PRP4K: variants seen among roughly 807,000 people sequenced by gnomAD.
PRP4K encodes pre-mRNA processing factor kinase PRP4K, also known as serine/threonine-protein kinase PRP4 homolog.
At chr6:4,044,068 C>T in the PRP4K span, 3 of 1,552,082 alleles carry the variant, frequency 1.9e-6, no homozygotes, top group Non-Finnish European at 2.7e-6. Context: ...GAATTGTTAG[C>T]TCTGTAACTT....
chr6:4,021,557 G>T, the PRP4K span: 17 of 1,518,000 alleles, frequency 1.1e-5, no homozygotes, highest in Middle Eastern at 4.5e-4. Context: ...CGGGCCTAAC[G>T]GCGAGAGTCA....
the PRP4K span, chr6:4,048,962 G>A: frequency 3.9e-6 from 5 of 1,291,080 alleles, no homozygotes; most frequent in African/African-American, 6.0e-5. Context: ...TAAAGGAAGT[G>A]CGTTAAATGT....
chr6:4,032,650 A>G, the PRP4K span: 1 of 1,614,086 alleles, frequency 6.2e-7, no homozygotes, highest in Non-Finnish European at 8.5e-7. Flanking sequence ...AGATCTAAGC[A>G]GAGCAAATCC....
At chr6:4,051,278 A>C in the PRP4K span, among the ~76,000 whole-genome samples, 1 of 151,858 alleles carries the variant, frequency 6.6e-6, no homozygotes, top group Non-Finnish European at 1.5e-5. Flanking sequence ...AAATAATGTC[A>C]AGATGTGGGT....
chr6:4,040,631 C>T, the PRP4K span: 3 of 880,208 alleles, frequency 3.4e-6, no homozygotes, highest in Non-Finnish European at 5.1e-6. Flanking sequence ...AAAAAATAGA[C>T]TATATTTTAG....
the PRP4K span, among the ~76,000 whole-genome samples, chr6:4,036,568 T>A: frequency 2.0e-5 from 3 of 152,100 alleles, no homozygotes; most frequent in African/African-American, 7.2e-5. Context: ...TCACTTGGGC[T>A]GCAGTGGCAC....
chr6:4,023,547 G>GT, the PRP4K span, among the ~76,000 whole-genome samples: 21 of 151,980 alleles, frequency 1.4e-4, no homozygotes, highest in Non-Finnish European at 3.1e-4. Flanking sequence ...AATTATTTTT[G>GT]TTTTTTTCCA....
At chr6:4,024,014 G>C in the PRP4K span, among the ~76,000 whole-genome samples, 1 of 151,742 alleles carries the variant, frequency 6.6e-6, no homozygotes, top group African/African-American at 2.4e-5. Flanking sequence ...TTACAGGCAC[G>C]TACCACCACG....
chr6:4,060,152 ATACTG>A, the PRP4K span, among the ~76,000 whole-genome samples: 60 of 152,268 alleles, frequency 3.9e-4, no homozygotes, highest in African/African-American at 1.4e-3. This position sits in a 1 kb window ranked among gnomAD's most constrained non-coding sequence, Gnocchi z 4.7. Context: ...GGTGGACTGA[ATACTG>A]TAGGCACTTT....
the PRP4K span, among the ~76,000 whole-genome samples, chr6:4,040,018 G>A: frequency 1.3e-5 from 2 of 151,704 alleles, no homozygotes; most frequent in South Asian, 2.1e-4. Context: ...CCGGTAGCTG[G>A]GACTATAGGC....
the PRP4K span, among the ~76,000 whole-genome samples, chr6:4,052,280 A>G: frequency 6.7e-6 from 1 of 149,066 alleles, no homozygotes; most frequent in Non-Finnish European, 1.5e-5. Flanking sequence ...GTTGTTGTTG[A>G]GACAGTCTCA....
the PRP4K span, chr6:4,042,594 C>A: frequency 6.4e-7 from 1 of 1,557,194 alleles, no homozygotes; most frequent in Non-Finnish European, 8.7e-7. Context: ...GAAAAATAAC[C>A]ATTATTGTAG....
chr6:4,035,284 A>ATTTTT, the PRP4K span, among the ~76,000 whole-genome samples: 203 of 58,794 alleles, frequency 3.5e-3, 2 homozygotes, highest in African/African-American at 0.012. Flanking sequence ...CGCCCGGCTA[A>ATTTTT]TTTTTTTTTT....
At chr6:4,052,539 A>G in the PRP4K span, among the ~76,000 whole-genome samples, 1 of 152,226 alleles carries the variant, frequency 6.6e-6, no homozygotes, top group East Asian at 1.9e-4. Flanking sequence ...TGTTATATAC[A>G]TACAATTTGA....
At chr6:4,025,600 A>G in the PRP4K span, among the ~76,000 whole-genome samples, 1 of 152,220 alleles carries the variant, frequency 6.6e-6, no homozygotes, top group East Asian at 1.9e-4. Context: ...TCATTAATTT[A>G]CAATGGAAAC....
the PRP4K span, among the ~76,000 whole-genome samples, chr6:4,034,692 CTTTATT>C: frequency 6.6e-6 from 1 of 151,724 alleles, no homozygotes; most frequent in Non-Finnish European, 1.5e-5. Flanking sequence ...TTTTTATTTT[CTTTATT>C]TTTATTTATT....
chr6:4,036,019 GGA>G, the PRP4K span, among the ~76,000 whole-genome samples: 13 of 75,704 alleles, frequency 1.7e-4, no homozygotes, highest in Non-Finnish European at 3.5e-4. Flanking sequence ...ATTTGATTAT[GGA>G]GACAAACCTA....
At chr6:4,021,766 T>G in the PRP4K span, among the ~76,000 whole-genome samples, 1 of 152,034 alleles carries the variant, frequency 6.6e-6, no homozygotes, top group Non-Finnish European at 1.5e-5. Context: ...GGCAGTGAGG[T>G]CGCGCTTTCC....
At chr6:4,039,952 G>GT in the PRP4K span, among the ~76,000 whole-genome samples, 2 of 151,166 alleles carry the variant, frequency 1.3e-5, no homozygotes, top group African/African-American at 4.9e-5. Context: ...CCAGGCTGGA[G>GT]TGCAGTGTGA....
Sources: allele counts gnomAD v4.1 joint callset (sites outside exome capture counted in the v4.1 genomes callset), GRCh38; gene constraint gnomAD v4.1.1; non-coding constraint Gnocchi (gnomAD v3.1); transcripts MANE v1.5; gene names NCBI Gene and HGNC (gene_info 2026-07-23, HGNC 2026-07-21).